AGBL4: variants seen among roughly 807,000 people sequenced by gnomAD.
AGBL4 encodes the protein AGBL carboxypeptidase 4, also known as cytosolic carboxypeptidase 6.
Under a neutral mutation model 66.4 loss-of-function variants are expected in AGBL4, and 58 were observed. The ratio of observed to expected loss-of-function variants is 0.87; its 90% confidence interval spans 0.71 to 1.09. The LOEUF is 1.09. Ranked by LOEUF, AGBL4 falls within the 50% of genes least tolerant of loss-of-function variation. The pLI is 0.00. For synonymous variants in AGBL4, 234 were observed against 222.9 expected (o/e 1.05, Z -0.44); for missense variants, 579 against 631.0 (o/e 0.92, Z 0.88).
intron 3 of AGBL4, among the ~76,000 whole-genome samples, chr1:49,288,838 C>T (rs893931483): frequency 6.6e-5 from 10 of 152,256 alleles, no homozygotes; most frequent in Non-Finnish European, 1.2e-4. Flanking sequence ...AATTCAACCT[C>T]GACTGGATAA....
At chr1:49,340,335 C>T (rs907338243) in intron 3 of AGBL4, among the ~76,000 whole-genome samples, 1 of 152,048 alleles carries the variant, frequency 6.6e-6, no homozygotes, top group Admixed American at 6.6e-5. Context: ...AGCCTCTAAC[C>T]AGTAGAATTC....
intron 3 of AGBL4, among the ~76,000 whole-genome samples, chr1:49,669,329 T>C (rs1646429569): frequency 6.6e-6 from 1 of 152,062 alleles, no homozygotes. Flanking sequence ...TATGTTATTT[T>C]GAAAAGCTGG....
intron 4 of AGBL4, among the ~76,000 whole-genome samples, chr1:49,092,674 T>A (rs1487907125): frequency 6.6e-6 from 1 of 152,162 alleles, no homozygotes; most frequent in African/African-American, 2.4e-5. Flanking sequence ...GAATTTTCTG[T>A]TTCATACCTG....
At chr1:49,286,889 G>T (rs1644423951) in intron 3 of AGBL4, among the ~76,000 whole-genome samples, 3 of 152,090 alleles carry the variant, frequency 2.0e-5, no homozygotes, top group African/African-American at 7.2e-5. Context: ...AACCAAAAAA[G>T]AGCCCGCATC....
chr1:49,908,445 T>C (rs1650487436), intron 1 of AGBL4, among the ~76,000 whole-genome samples: 1 of 152,164 alleles, frequency 6.6e-6, no homozygotes, highest in South Asian at 2.1e-4. Context: ...TCCCCCTTCC[T>C]CTCTATTGTT....
intron 3 of AGBL4, among the ~76,000 whole-genome samples, chr1:49,405,921 A>G (rs548261441): frequency 2.6e-5 from 4 of 152,350 alleles, no homozygotes; most frequent in Non-Finnish European, 4.4e-5. Context: ...GAAGAATCCT[A>G]TTGGAAGAAG....
At chr1:49,136,004 A>G (rs1301601613) in intron 4 of AGBL4, among the ~76,000 whole-genome samples, 1 of 152,124 alleles carries the variant, frequency 6.6e-6, no homozygotes, top group East Asian at 1.9e-4. Flanking sequence ...TATTCTCTAA[A>G]CTTTTTTCAG....
chr1:48,947,854 T>C (rs1432507289), intron 5 of AGBL4, among the ~76,000 whole-genome samples: 1 of 152,124 alleles, frequency 6.6e-6, no homozygotes, highest in Non-Finnish European at 1.5e-5. Flanking sequence ...CTCTCTCTTT[T>C]TGTTTTAAAA....
chr1:48,769,798 T>C (rs1644721554), intron 6 of AGBL4, among the ~76,000 whole-genome samples: 1 of 152,150 alleles, frequency 6.6e-6, no homozygotes, highest in Non-Finnish European at 1.5e-5. Context: ...ACTATCTCCA[T>C]GCTATAGATG....
chr1:49,859,487 A>T (rs1646516007), intron 1 of AGBL4, among the ~76,000 whole-genome samples: 1 of 152,190 alleles, frequency 6.6e-6, no homozygotes, highest in Admixed American at 6.5e-5. Flanking sequence ...AATCTATATG[A>T]TCATCTCAAC....
intron 4 of AGBL4, among the ~76,000 whole-genome samples, chr1:49,060,123 CA>C (rs1294924215): frequency 6.6e-6 from 1 of 152,090 alleles, no homozygotes; most frequent in African/African-American, 2.4e-5. Flanking sequence ...TGTCTCCACC[CA>C]ATCTCATCTT....
At chr1:48,723,866 A>G (rs1199976904) in intron 6 of AGBL4, among the ~76,000 whole-genome samples, 1 of 152,236 alleles carries the variant, frequency 6.6e-6, no homozygotes, top group Non-Finnish European at 1.5e-5. Context: ...ATCTGGGTTT[A>G]ATTTATAAAG....
intron 5 of AGBL4, among the ~76,000 whole-genome samples, chr1:49,012,039 G>GA (rs901750777): frequency 5.0e-5 from 7 of 139,432 alleles, no homozygotes; most frequent in South Asian, 2.4e-4. Context: ...AATAATAAAA[G>GA]AAAAAAAAAA....
At chr1:49,947,020 C>G in intron 1 of AGBL4, among the ~76,000 whole-genome samples, 1 of 151,488 alleles carries the variant, frequency 6.6e-6, no homozygotes, top group Admixed American at 6.6e-5. Flanking sequence ...AATTAGACAC[C>G]CTGAACAGAC....
At chr1:49,028,262 A>G (rs1663895138) in intron 5 of AGBL4, among the ~76,000 whole-genome samples, 1 of 152,182 alleles carries the variant, frequency 6.6e-6, no homozygotes, top group Admixed American at 6.5e-5. Context: ...GCAGCCTGAA[A>G]GACTAGCAAT....
intron 3 of AGBL4, among the ~76,000 whole-genome samples, chr1:49,545,624 C>T (rs1174433976): frequency 6.6e-6 from 1 of 152,124 alleles, no homozygotes; most frequent in Non-Finnish European, 1.5e-5. Flanking sequence ...CTCAAAGACA[C>T]ATATATCTAT....
intron 4 of AGBL4, among the ~76,000 whole-genome samples, chr1:49,095,803 C>A (rs1645087247): frequency 6.6e-6 from 1 of 151,102 alleles, no homozygotes; most frequent in Admixed American, 6.6e-5. Flanking sequence ...TCTAAAACAC[C>A]AAAAGCAATG....
intron 6 of AGBL4, among the ~76,000 whole-genome samples, chr1:48,714,271 C>T (rs1337743715): frequency 6.6e-6 from 1 of 152,082 alleles, no homozygotes; most frequent in Non-Finnish European, 1.5e-5. Flanking sequence ...GCCAAGGATT[C>T]CTATCAGAAC....
the AGBL4 span, among the ~76,000 whole-genome samples, chr1:48,524,319 A>T: frequency 8.0e-6 from 1 of 125,010 alleles, no homozygotes; most frequent in Admixed American, 7.6e-5. Context: ...CTGAAGAGAG[A>T]AAAAAAAAGA....
Sources: allele counts gnomAD v4.1 joint callset (sites outside exome capture counted in the v4.1 genomes callset), GRCh38; gene constraint gnomAD v4.1.1; transcripts MANE v1.5; gene names NCBI Gene and HGNC (gene_info 2026-07-23, HGNC 2026-07-21).